DNTTIP2: variants seen among roughly 807,000 people sequenced by gnomAD.
The protein encoded by DNTTIP2 is deoxynucleotidyltransferase terminal interacting protein 2.
A neutral mutation model predicts 62.4 loss-of-function variants in DNTTIP2; 47 were observed. That is an observed-to-expected ratio of 0.75 (90% CI 0.60 to 0.96). The LOEUF is 0.96. DNTTIP2 is among the 40% of genes least tolerant of loss of function. DNTTIP2 has a pLI of 0.00. For missense variants in DNTTIP2, 870 were observed against 849.1 expected (o/e 1.02, Z -0.31); for synonymous variants, 322 against 300.9 (o/e 1.07, Z -0.73).
Position 93,877,621 on chromosome 1 carries a change from C to A in DNTTIP2, c.314G>T (p.Arg105Met). Residue 105 changes from arginine (R) to methionine (M), a missense_variant, in exon 2 of 7, where the codon AGG (arginine) becomes ATG (methionine). Coordinates refer to ENST00000436063, the MANE Select transcript of DNTTIP2 (RefSeq NM_014597.5). ...SVSEHHDTILRVTRRRQILIA... is the reference protein window; with the variant it reads ...SVSEHHDTILMVTRRRQILIA... Reference sequence around the variant, plus strand: ...TAAGATCTGCCTTCTCCTAGTTACCCTTAAAATGGTATCATGGTGCTCAGA... The same window carrying A: ...TAAGATCTGCCTTCTCCTAGTTACCATTAAAATGGTATCATGGTGCTCAGA... 1 of 1,613,970 alleles carries A rather than the reference C, an allele frequency of 6.2e-7. No homozygotes were observed. The highest frequency in any genetic ancestry group is 8.5e-7 in the Non-Finnish European group (1 of 1,179,880).
Position 93,877,030 on chromosome 1 carries a change from T to A in DNTTIP2, c.905A>T (p.Asp302Val). The change falls in exon 2 of 7, where the codon GAT (aspartate) becomes GTT (valine). Residue 302 changes from aspartate to valine, a missense_variant. By Grantham distance (152) the Asp-to-Val change is radical (BLOSUM62 -3). Coordinates refer to ENST00000436063, the MANE Select transcript of DNTTIP2 (RefSeq NM_014597.5). ...TKQNCKDLDE[D>V]ANGITDEGKE... The stretch of plus-strand genomic sequence containing the variant: ...CCCCTCATCTGTTATTCCATTGGCA[T>A]CTTCATCCAAATCCTTACAATTCTG... 6.2e-7 allele frequency: 1 copy of A among 1,612,650 alleles called. No homozygotes were observed. Among genetic ancestry groups the A allele is most frequent in the South Asian group, 1.1e-5 (1 of 91,082 alleles).
intron 4 of DNTTIP2, 90 bp downstream of exon 4, chr1:93,873,029 A>C: frequency 1.1e-6 from 1 of 879,048 alleles, no homozygotes; most frequent in Non-Finnish European, 1.8e-6. Flanking sequence ...ATAGACCAAC[A>C]GATACAGTTT....
Position 93,876,636 on chromosome 1 carries a change from T to C in DNTTIP2, c.1299A>G (p.Thr433=). 6.2e-7 allele frequency: 1 copy of C among 1,614,044 alleles called. No homozygotes were observed. The highest frequency in any genetic ancestry group is 8.5e-7 in the Non-Finnish European group (1 of 1,179,898). Residue 433 remains threonine (T), a synonymous_variant, in exon 2 of 7, where the codon ACA becomes ACG. Coordinates refer to ENST00000436063, the MANE Select transcript of DNTTIP2 (RefSeq NM_014597.5). ...DTKLYTSAPN[T]SQGKDNSVLL... is the part of the protein sequence containing the mutation. ...AGACAGAATTATCTTTACCCTGAGA[T>C]GTGTTGGGCGCAGACGTGTATAGTT...
In DNTTIP2 at chr1:93,872,052, C is replaced by T. The variant is rs1272128358; in HGVS notation, c.2067+20G>A. 2 of 1,612,982 alleles carry T rather than the reference C, an allele frequency of 1.2e-6. No homozygotes were observed. The highest frequency in any genetic ancestry group is 1.1e-5 in the South Asian group (1 of 90,964). On this transcript the variant is annotated intron_variant, in intron 5 of 6. Transcript: ENST00000436063. ...AACTAAAATTCACAGATCATCACCA[C>T]TATTCTGTTTGCTTCATACCTGGAA...
chr1:93,872,768 C>T (rs1181406474), intron 4 of DNTTIP2, among the ~76,000 whole-genome samples: 1 of 152,016 alleles, frequency 6.6e-6, no homozygotes. Context: ...TAGTGCCTAC[C>T]ATGTGCCAGG....
Position 93,872,131 on chromosome 1 carries a change from T to C in DNTTIP2, c.2008A>G (p.Met670Val), listed in dbSNP as rs768025681. The C allele has an allele frequency of 6.2e-6, 10 of 1,613,936 alleles. No individual in the cohort carries two copies. Among genetic ancestry groups the C allele is most frequent in the Non-Finnish European group, 7.6e-6 (9 of 1,179,826 alleles). ...TTCTTGTAAAATCTTTTCGGGTCCATGCTGGCTCTCATCTTCAGTGCTTTG... is the reference window on the plus strand; with the variant it reads ...TTCTTGTAAAATCTTTTCGGGTCCACGCTGGCTCTCATCTTCAGTGCTTTG... ...DLKALKMRAS[M>V]DPKRFYKKND... The change falls in exon 5 of 7, where the codon ATG (methionine) becomes GTG (valine). Residue 670 changes from methionine (M) to valine (V), a missense_variant. Met to Val is a conservative substitution (Grantham distance 21). Transcript: ENST00000436063.
chr1:93,868,002 A>G lies in DNTTIP2; in HGVS notation c.*1849T>C, dbSNP rs1655763675. On this transcript the variant is annotated 3_prime_UTR_variant, in exon 7 of 7. Coordinates refer to ENST00000436063, the MANE Select transcript of DNTTIP2 (RefSeq NM_014597.5). Reference sequence around the variant, plus strand: ...ATGGCAACAAAAGGCAAAATTGACAAGTGGGATCTAATTAAACTAAAGAGT... The same window carrying G: ...ATGGCAACAAAAGGCAAAATTGACAGGTGGGATCTAATTAAACTAAAGAGT... 1 of 152,216 alleles carries G rather than the reference A, an allele frequency of 6.6e-6. No homozygotes were observed. Among genetic ancestry groups the G allele is most frequent in the Non-Finnish European group, 1.5e-5 (1 of 68,050 alleles). 9.4% of individuals were successfully genotyped at this position (152,216 alleles called of 1,614,324 possible).
In DNTTIP2 at chr1:93,867,938, T is replaced by C. The variant is rs970659050; in HGVS notation, c.*1913A>G. ...AGCAGTAAATATGAGATTTTGGACATAGGTATGGGCAGACTGCATGACTAA... is the reference window on the plus strand; with the variant it reads ...AGCAGTAAATATGAGATTTTGGACACAGGTATGGGCAGACTGCATGACTAA... On this transcript the variant is annotated 3_prime_UTR_variant, in exon 7 of 7. Transcript: ENST00000436063. 6 of 152,154 alleles carry C rather than the reference T, an allele frequency of 3.9e-5. 1 individual carries two copies. The South Asian group carries it at 8.3e-4, about 21-fold the overall frequency. The allele number at this position is 152,154 out of a possible 1,614,324, so 9.4% of individuals were successfully genotyped here.
Position 93,879,124 on chromosome 1 carries a change from C to T in DNTTIP2, c.25G>A (p.Ala9Thr). The change falls in exon 1 of 7, where the codon GCT (alanine) becomes ACT (threonine). Residue 9 changes from alanine to threonine, a missense_variant. By Grantham distance (58) the Ala-to-Thr change is moderately conservative. Transcript: ENST00000436063. Reference protein sequence around the residue: MVVTRSARAKASIQAASAE... With the variant: MVVTRSARTKASIQAASAE... ...GACGCGGCTTGGATGCTGGCCTTAG[C>T]CCGTGCAGATCTGGTAACCACCATC... 2 of 1,613,596 alleles carry T rather than the reference C, an allele frequency of 1.2e-6. No individual in the cohort carries two copies. Among genetic ancestry groups the T allele is most frequent in the Non-Finnish European group, 1.7e-6 (2 of 1,179,848 alleles).
chr1:93,868,155 A>T lies in DNTTIP2; in HGVS notation c.*1696T>A, dbSNP rs1050049133. 6.6e-6 allele frequency: 1 copy of T among 152,256 alleles called. No individual in the cohort carries two copies. The highest frequency in any genetic ancestry group is 2.4e-5 in the African/African-American group (1 of 41,478). 9.4% of individuals were successfully genotyped at this position (152,256 alleles called of 1,614,324 possible). A position where few individuals can be genotyped will look rare whatever the true frequency, so the allele number is the denominator to read the frequency against. On this transcript the variant is annotated 3_prime_UTR_variant, in exon 7 of 7. Coordinates refer to ENST00000436063, the MANE Select transcript of DNTTIP2 (RefSeq NM_014597.5). ...ATCTACAAAGAACTTAAACAAATTT[A>T]CAAGAAAAAACCCCATCAAAAAGTG...
At position 93,868,848 on chromosome 1, in the gene DNTTIP2, G is replaced by A. The variant is rs190117498; in HGVS notation, c.*1003C>T. The A allele has an allele frequency of 3.3e-5, 5 of 152,248 alleles. No individual in the cohort carries two copies. Among genetic ancestry groups the A allele is most frequent in the African/African-American group, 1.2e-4 (5 of 41,524 alleles). 9.4% of individuals were successfully genotyped at this position (152,248 alleles called of 1,614,324 possible). ...AGGGGAACATCACACACTGGGGCCT[G>A]TTGTGGGTGGGGGACTAGGGGAGGG... On this transcript the variant is annotated 3_prime_UTR_variant, in exon 7 of 7. Transcript: ENST00000436063.
Position 93,876,998 on chromosome 1 carries a change from T to C in DNTTIP2, c.937A>G (p.Ile313Val). 1.2e-6 allele frequency: 2 copies of C among 1,612,974 alleles called. No individual in the cohort carries two copies. ...ANGITDEGKE[I>V]NEKSSQLKNL... ...TTCAGCTGAGAACTTTTCTCATTAA[T>C]TTCTTTCCCCTCATCTGTTATTCCA... The change falls in exon 2 of 7, where the codon ATT (isoleucine) becomes GTT (valine). Residue 313 changes from isoleucine (I) to valine (V), a missense_variant. Coordinates refer to ENST00000436063, the MANE Select transcript of DNTTIP2 (RefSeq NM_014597.5).
chr1:93,878,932 CG>C lies in DNTTIP2; in HGVS notation c.72+144del. Reference sequence around the variant, plus strand: ...AACAGTTTCCGTGACAGGCTTAGCACGGGGCCTGGGAGACCCAAGCGCGCGG... The same window carrying C: ...AACAGTTTCCGTGACAGGCTTAGCACGGGCCTGGGAGACCCAAGCGCGCGG... On this transcript the variant is annotated intron_variant, in intron 1 of 6. Transcript: ENST00000436063. The C allele has an allele frequency of 7.9e-6, 8 of 1,016,298 alleles. 1 individual carries two copies. In the South Asian group the frequency reaches 1.3e-4, roughly 17 times the overall value. The allele number at this position is 1,016,298 out of a possible 1,614,324, so 63.0% of individuals were successfully genotyped here.
rs758634381 is a variant in DNTTIP2 at position 93,870,725 on chromosome 1, C to A, written c.2135G>T (p.Arg712Ile). ...AGCCAGCAGTTCTTCCACAATAGTT[C>A]TTTTCCTTTGCTTCTTGGGAATTCG... The part of the protein sequence containing the change: ...HSRIPKKQRK[R>I]TIVEELLADS... The change falls in exon 6 of 7, where the codon AGA becomes ATA. Residue 712 changes from arginine to isoleucine, a missense_variant. Arg to Ile is a moderately conservative substitution (Grantham distance 97). Transcript: ENST00000436063. 6.4e-7 allele frequency: 1 copy of A among 1,574,484 alleles called. No individual in the cohort carries two copies. Among genetic ancestry groups the A allele is most frequent in the Non-Finnish European group, 8.6e-7 (1 of 1,157,192 alleles).
At position 93,871,995 on chromosome 1, in the gene DNTTIP2, G is replaced by T. The variant is rs1655873778; in HGVS notation, c.2067+77C>A. The T allele has an allele frequency of 6.0e-6, 9 of 1,494,172 alleles. No individual in the cohort carries two copies. The South Asian group carries it at 8.4e-5, about 14-fold the overall frequency. 92.6% of individuals were successfully genotyped at this position (1,494,172 alleles called of 1,614,324 possible). A position where few individuals can be genotyped will look rare whatever the true frequency, so the allele number is the denominator to read the frequency against. The stretch of plus-strand genomic sequence containing the variant: ...AATGGAAATATCCTCTATTTTAGGA[G>T]TAAACTTTAAAGAACACTACAGTGC... On this transcript the variant is annotated intron_variant, in intron 5 of 6. Transcript: ENST00000436063.
chr1:93,872,702 T>C (rs1054756300), intron 4 of DNTTIP2, among the ~76,000 whole-genome samples: 1 of 152,176 alleles, frequency 6.6e-6, no homozygotes, highest in African/African-American at 2.4e-5. Context: ...TACTATTCTT[T>C]AGAAAACTCC....
Position 93,867,084 on chromosome 1 carries a change from G to C in DNTTIP2, c.*2767C>G, listed in dbSNP as rs954108933. The C allele has an allele frequency of 1.4e-5, 2 of 142,764 alleles. No individual in the cohort carries two copies. The highest frequency in any genetic ancestry group is 5.4e-5 in the African/African-American group (2 of 37,060). 8.8% of individuals were successfully genotyped at this position (142,764 alleles called of 1,614,324 possible). On this transcript the variant is annotated 3_prime_UTR_variant, in exon 7 of 7. Coordinates refer to ENST00000436063, the MANE Select transcript of DNTTIP2 (RefSeq NM_014597.5). ...TTGAACCCGGGAGGCGGAGGTTGCA[G>C]TGAACCAAGATCATGCCACTACACT...
In DNTTIP2 at chr1:93,872,548, G is replaced by C. The variant is rs148800443; in HGVS notation, c.1903-312C>G. ...ACTTCAATTTTTATTGTCTAAAACA[G>C]ACTATATGCAGTAAGAAAATGTATA... On this transcript the variant is annotated intron_variant, in intron 4 of 6. Coordinates refer to ENST00000436063, the MANE Select transcript of DNTTIP2 (RefSeq NM_014597.5). Among the ~76,000 whole-genome samples, 229 of 152,200 alleles carry C rather than the reference G, an allele frequency of 1.5e-3. 1 individual carries two copies. Among genetic ancestry groups the C allele is most frequent in the African/African-American group, 5.4e-3 (226 of 41,534 alleles).
rs2100880005 is a variant in DNTTIP2, at chr1:93,868,096, AATCT to A, written c.*1751_*1754del. On this transcript the variant is annotated 3_prime_UTR_variant, in exon 7 of 7. Transcript: ENST00000436063. ...CTACAGAATGGGAGAAAATTTCTGT[AATCT>A]ATCCATCTGACAAAGGGCTAATATC... 1 of 152,352 alleles carries A rather than the reference AATCT, an allele frequency of 6.6e-6. No homozygotes were observed. The highest frequency in any genetic ancestry group is 6.5e-5 in the Admixed American group (1 of 15,308). 9.4% of individuals were successfully genotyped at this position (152,352 alleles called of 1,614,324 possible). A position where few individuals can be genotyped will look rare whatever the true frequency, so the allele number is the denominator to read the frequency against.
Sources: allele counts gnomAD v4.1 joint callset (sites outside exome capture counted in the v4.1 genomes callset), GRCh38; gene constraint gnomAD v4.1.1; transcripts MANE v1.5; gene names NCBI Gene and HGNC (gene_info 2026-07-23, HGNC 2026-07-21).